The following FECH variants were observed in gnomAD, a reference collection of about 807,000 sequenced individuals.
The protein encoded by FECH is ferrochelatase, mitochondrial.
FECH carries 40 observed loss-of-function variants against 56.9 expected under a neutral mutation model. That is an observed-to-expected ratio of 0.70 (90% CI 0.55 to 0.92). The LOEUF is 0.92. Ranked by LOEUF, FECH falls within the 40% of genes least tolerant of loss-of-function variation. The pLI, the probability that FECH is intolerant of heterozygous loss-of-function variation, is 0.00. For synonymous variants in FECH, 175 were observed against 198.6 expected, an observed-to-expected ratio of 0.88 and a Z score of 1.00; for missense variants, 431 against 529.1, an observed-to-expected ratio of 0.81 and a Z score of 1.82.
At chr18:57,567,416 C>T (rs1182388625) in intron 4 of FECH, among the ~76,000 whole-genome samples, 1 of 152,188 alleles carries the variant, frequency 6.6e-6, no homozygotes, top group Non-Finnish European at 1.5e-5. Context: ...CCGCATCTTC[C>T]TTTCTTGTAG....
At chr18:57,552,446 G>C (rs2050812074) in intron 9 of FECH, among the ~76,000 whole-genome samples, 1 of 151,656 alleles carries the variant, frequency 6.6e-6, no homozygotes, top group South Asian at 2.1e-4. Flanking sequence ...TGTTGCCCAG[G>C]CTGGAGTGCA....
At chr18:57,550,891 C>A (rs758169904) in intron 10 of FECH, 45 bp from the exon 11 acceptor site, 2 of 1,611,202 alleles carry the variant, frequency 1.2e-6, no homozygotes, top group South Asian at 2.2e-5. Context: ...AGCACAGGGT[C>A]TGCTCGTCTG....
At chr18:57,573,459 C>G (rs528043137) in intron 2 of FECH, 94 bp from the exon 3 acceptor site, 1 of 1,436,696 alleles carries the variant, frequency 7.0e-7, no homozygotes, top group Admixed American at 1.7e-5. Context: ...TAATCTGTTC[C>G]ATACAAAGGT....
intron 4 of FECH, among the ~76,000 whole-genome samples, chr18:57,570,481 C>T (rs1441462011): frequency 6.6e-6 from 1 of 152,182 alleles, no homozygotes; most frequent in African/African-American, 2.4e-5. Flanking sequence ...GATGCTTGCT[C>T]AGTGATGTCA....
In FECH at chr18:57,562,813, G is replaced by A. The variant is rs1439301384; in HGVS notation, c.705+61C>T. On this transcript the variant is annotated intron_variant, in intron 6 of 10. Transcript: ENST00000262093. ...GAAGGACATCCACAAACCCAGAAGG[G>A]ATGAGAAGCTGATTCACACTAGATG... is the stretch of plus-strand genomic sequence containing the variant. The A allele has an allele frequency of 3.8e-6, 5 of 1,312,150 alleles. No homozygotes were observed. The East Asian group carries it at 1.1e-4, about 30-fold the overall frequency. The allele number at this position is 1,312,150 out of a possible 1,614,324, so 81.3% of individuals were successfully genotyped here.
At chr18:57,559,100 C>T (rs2050906248) in intron 7 of FECH, 45 bp downstream of exon 7, 2 of 1,275,610 alleles carry the variant, frequency 1.6e-6, no homozygotes, top group South Asian at 1.2e-5. Flanking sequence ...ATGAAATCAC[C>T]CAATCCTCTA....
chr18:57,581,493 C>T (rs546701040), intron 1 of FECH, among the ~76,000 whole-genome samples: 1 of 152,380 alleles, frequency 6.6e-6, no homozygotes, highest in East Asian at 1.9e-4. Context: ...TCAAACCAGC[C>T]GGTTAGAAAC....
In FECH at chr18:57,549,344, G is replaced by A. The variant is rs542831519; in HGVS notation, c.*1368C>T. The A allele has an allele frequency of 1.1e-4, 16 of 147,744 alleles. No individual in the cohort carries two copies. Among genetic ancestry groups the A allele is most frequent in the Non-Finnish European group, 1.9e-4 (13 of 67,442 alleles). The allele number at this position is 147,744 out of a possible 1,614,324, so 9.2% of individuals were successfully genotyped here. On this transcript the variant is annotated 3_prime_UTR_variant, in exon 11 of 11. Transcript: ENST00000262093. ...CAAACTTAGCTAAAACCTTAATGATGTTGTAATATTTATTAACATAGCCAA... is the reference window on the plus strand; with the variant it reads ...CAAACTTAGCTAAAACCTTAATGATATTGTAATATTTATTAACATAGCCAA...
rs786205245 is a variant in FECH, at chr18:57,554,259, C to T, written c.1077+1G>A. On this transcript the variant is annotated splice_donor_variant, in intron 9 of 10. Transcript: ENST00000262093. LOFTEE classifies it high-confidence loss of function. Reference sequence around the variant, plus strand: ...GGAAAAAGGCAGATGGGTGCATTTACCTCCTTGGCTAAAACTTGAGAGTAC... The same window carrying T: ...GGAAAAAGGCAGATGGGTGCATTTATCTCCTTGGCTAAAACTTGAGAGTAC... The T allele has an allele frequency of 6.2e-7, 1 of 1,614,220 alleles. No individual in the cohort carries two copies. Among genetic ancestry groups the T allele is most frequent in the Non-Finnish European group, 8.5e-7 (1 of 1,180,016 alleles).
chr18:57,548,566 G>A lies in FECH; in HGVS notation c.*2146C>T, dbSNP rs1047971813. 4 of 152,176 alleles carry A rather than the reference G, an allele frequency of 2.6e-5. No homozygotes were observed. In the South Asian group the frequency reaches 8.3e-4, roughly 32 times the overall value. 9.4% of individuals were successfully genotyped at this position (152,176 alleles called of 1,614,324 possible). On this transcript the variant is annotated 3_prime_UTR_variant, in exon 11 of 11. Transcript: ENST00000262093. Reference sequence around the variant, plus strand: ...CCAGGGCAAACATTTGTATTTCAAAGTTGACCAACAGGATGACAATTCTCA... The same window carrying A: ...CCAGGGCAAACATTTGTATTTCAAAATTGACCAACAGGATGACAATTCTCA...
intron 5 of FECH, among the ~76,000 whole-genome samples, chr18:57,565,630 C>T (rs2051006547): frequency 1.3e-5 from 2 of 151,910 alleles, no homozygotes; most frequent in Non-Finnish European, 2.9e-5. Flanking sequence ...TCTTAGAACT[C>T]AGGCATTTTA....
Position 57,554,860 on chromosome 18 carries a change from C to G in FECH, c.897G>C (p.Leu299=). 2 of 1,614,092 alleles carry G rather than the reference C, an allele frequency of 1.2e-6. No homozygotes were observed. Among genetic ancestry groups the G allele is most frequent in the Non-Finnish European group, 1.7e-6 (2 of 1,179,956 alleles). Residue 299 remains leucine (L), a synonymous_variant, in exon 8 of 11, where the codon CTG becomes CTC. Transcript: ENST00000262093. ...AGCCACTTACCTTGGATTGCCACACCAGTCGGTAGGGGTTGCAGTACTCCA... is the reference window on the plus strand; with the variant it reads ...AGCCACTTACCTTGGATTGCCACACGAGTCGGTAGGGGTTGCAGTACTCCA... ...ERLEYCNPYR[L]VWQSKVGPMP...
intron 6 of FECH, among the ~76,000 whole-genome samples, chr18:57,562,412 C>T (rs1047097364): frequency 6.6e-6 from 1 of 152,098 alleles, no homozygotes; most frequent in African/African-American, 2.4e-5. Flanking sequence ...ATATGTGAAA[C>T]TTTCTCAATC....
intron 1 of FECH, among the ~76,000 whole-genome samples, chr18:57,584,325 C>CAAA (rs11383428): frequency 0.026 from 2,620 of 99,046 alleles, 162 homozygotes; most frequent in Non-Finnish European, 0.036. Flanking sequence ...GACTCGGTCT[C>CAAA]AAAAAAAAAA....
At chr18:57,551,157 GAA>G in intron 10 of FECH, 156 bp downstream of exon 10, 2 of 676,556 alleles carry the variant, frequency 3.0e-6, no homozygotes, top group Non-Finnish European at 5.1e-6. Context: ...CTATCTGAAG[GAA>G]AAAAGACTGA....
chr18:57,563,604 A>AAAAAAAAAAT (rs2050976313), intron 5 of FECH, among the ~76,000 whole-genome samples: 6 of 149,296 alleles, frequency 4.0e-5, no homozygotes, highest in Non-Finnish European at 8.9e-5. Flanking sequence ...AAAAAAAAAA[A>AAAAAAAAAAT]GTATGTTATT....
chr18:57,575,426 C>T (rs940492907), intron 2 of FECH, among the ~76,000 whole-genome samples: 2 of 152,058 alleles, frequency 1.3e-5, no homozygotes, highest in African/African-American at 4.8e-5. Flanking sequence ...ACTAAAGATA[C>T]TATGATGACA....
At chr18:57,566,098 A>C (rs1439733629) in intron 5 of FECH, among the ~76,000 whole-genome samples, 2 of 152,260 alleles carry the variant, frequency 1.3e-5, no homozygotes, top group African/African-American at 4.8e-5. Flanking sequence ...TCTTTGCTAC[A>C]TCAGTAAGAA....
At chr18:57,582,839 G>A (rs1334754263) in intron 1 of FECH, among the ~76,000 whole-genome samples, 6 of 151,328 alleles carry the variant, frequency 4.0e-5, no homozygotes, top group African/African-American at 1.5e-4. Flanking sequence ...ATGAACCCGG[G>A]AGGTGGAGCT....
Sources: gnomAD v4.1 joint callset for allele counts (sites outside exome capture counted in the v4.1 genomes callset) on GRCh38, gnomAD v4.1.1 for gene constraint, MANE v1.5 for transcripts, NCBI Gene and HGNC (gene_info 2026-07-23, HGNC 2026-07-21) for gene names.